LARGE1: variants seen among roughly 807,000 people sequenced by gnomAD.
LARGE1 encodes the protein xylosyl- and glucuronyltransferase LARGE1.
LARGE1 carries 43 observed loss-of-function variants against 87.6 expected under a neutral mutation model. The observed-to-expected ratio is 0.49, with a 90% CI of 0.38 to 0.63. The LOEUF (loss-of-function observed/expected upper bound fraction) is 0.63. Among genes scored for constraint, LARGE1 ranks in the 30% least tolerant of loss-of-function variants. The pLI is 0.00. For missense variants in LARGE1, 802 were observed against 1,000.2 expected (o/e 0.80, Z 2.67); for synonymous variants, 434 against 394.6 (o/e 1.10, Z -1.18).
intron 6 of LARGE1, among the ~76,000 whole-genome samples, chr22:33,550,916 A>T (rs1372554262): frequency 1.3e-5 from 2 of 152,216 alleles, no homozygotes; most frequent in African/African-American, 4.8e-5. Context: ...GTGGAACTGG[A>T]GGTTACTGTC....
At chr22:33,323,970 G>A (rs927443884) in intron 10 of LARGE1, among the ~76,000 whole-genome samples, 8 of 152,100 alleles carry the variant, frequency 5.3e-5, no homozygotes, top group South Asian at 4.1e-4. Flanking sequence ...GGTGGCTCAC[G>A]CCTATAATCC....
rs752857926 is a variant in LARGE1, at chr22:33,580,138, AG to A, written c.616-15120del. 3.9e-5 allele frequency among the ~76,000 whole-genome samples: 6 copies of A among 151,968 alleles called. No homozygotes were observed. In the South Asian group the frequency reaches 6.2e-4, roughly 16 times the overall value. On this transcript the variant is annotated intron_variant, in intron 5 of 14. Coordinates refer to ENST00000397394, the MANE Select transcript of LARGE1 (RefSeq NM_133642.5). The stretch of plus-strand genomic sequence containing the variant: ...GTAATTCCAACACTTTGGGAGGCCA[AG>A]GGGGGCAGATCACCTGAGCTCGGGA...
chr22:33,581,079 G>A (rs778820359), intron 5 of LARGE1, among the ~76,000 whole-genome samples: 1 of 152,186 alleles, frequency 6.6e-6, no homozygotes, highest in Non-Finnish European at 1.5e-5. Flanking sequence ...TATTTCATTG[G>A]ATGCTTGAAA....
intron 7 of LARGE1, among the ~76,000 whole-genome samples, chr22:33,395,245 A>AAC (rs2065693621): frequency 6.6e-6 from 1 of 151,234 alleles, no homozygotes; most frequent in African/African-American, 2.4e-5. Context: ...AAAAAAAAAA[A>AAC]AAGCCAGGAA....
chr22:33,854,170 A>G (rs1050277315), intron 1 of LARGE1, among the ~76,000 whole-genome samples: 5 of 150,462 alleles, frequency 3.3e-5, no homozygotes, highest in African/African-American at 4.9e-5. Context: ...GGCATATCAC[A>G]AACTCAGAGC....
At chr22:33,557,491 G>A (rs2077725968) in intron 6 of LARGE1, among the ~76,000 whole-genome samples, 2 of 152,204 alleles carry the variant, frequency 1.3e-5, no homozygotes, top group African/African-American at 2.4e-5. Flanking sequence ...GCTAGAGGAC[G>A]TTAAAGACCT....
intron 7 of LARGE1, among the ~76,000 whole-genome samples, chr22:33,408,401 A>T (rs2147401695): frequency 6.6e-6 from 1 of 152,330 alleles, no homozygotes; most frequent in East Asian, 1.9e-4. Flanking sequence ...GGAGAGGCAG[A>T]TGTCCTTGCA....
intron 5 of LARGE1, among the ~76,000 whole-genome samples, chr22:33,598,713 TA>T (rs1179685168): frequency 6.6e-6 from 1 of 152,230 alleles, no homozygotes; most frequent in Non-Finnish European, 1.5e-5. Flanking sequence ...TTATCCTTTT[TA>T]AAGGCTGCAT....
chr22:33,394,374 A>G (rs1030081280), intron 7 of LARGE1, among the ~76,000 whole-genome samples: 2 of 151,908 alleles, frequency 1.3e-5, no homozygotes, highest in East Asian at 1.9e-4. Context: ...AATTTTTTGT[A>G]TTTTTAGTAG....
intron 7 of LARGE1, among the ~76,000 whole-genome samples, chr22:33,430,189 T>A (rs904827029): frequency 6.6e-6 from 1 of 152,194 alleles, no homozygotes; most frequent in African/African-American, 2.4e-5. Flanking sequence ...TGCTCCAATC[T>A]TCAGTTTCCT....
intron 4 of LARGE1, among the ~76,000 whole-genome samples, chr22:33,605,840 G>A (rs975418014): frequency 1.3e-5 from 2 of 152,146 alleles, no homozygotes; most frequent in African/African-American, 4.8e-5. Context: ...ATGTGATAAG[G>A]ACTACAAAAG....
intron 1 of LARGE1, among the ~76,000 whole-genome samples, chr22:33,852,871 AAAAAAAAAG>A (rs1328724279): frequency 1.2e-4 from 13 of 110,402 alleles, no homozygotes; most frequent in Admixed American, 2.0e-4. Context: ...AAAAAAAAAA[AAAAAAAAAG>A]AAAGAAAGAA....
intron 13 of LARGE1, among the ~76,000 whole-genome samples, chr22:33,278,553 T>TCTCACA (rs1304691630): frequency 0.061 from 9,135 of 148,602 alleles, 338 homozygotes; most frequent in African/African-American, 0.1. Flanking sequence ...TCTCTCTCTC[T>TCTCACA]CACACACACA....
chr22:33,121,350 A>G, the LARGE1 span, among the ~76,000 whole-genome samples: 3 of 152,204 alleles, frequency 2.0e-5, no homozygotes, highest in Non-Finnish European at 4.4e-5. Flanking sequence ...TTAGTCACAT[A>G]GAGAGTGAAA....
the LARGE1 span, among the ~76,000 whole-genome samples, chr22:33,071,984 T>C: frequency 6.7e-6 from 1 of 149,634 alleles, no homozygotes; most frequent in Admixed American, 6.7e-5. Flanking sequence ...TTTGATCCCC[T>C]AAATGCAGAT....
chr22:33,798,420 G>A (rs2086055975), intron 1 of LARGE1, among the ~76,000 whole-genome samples: 1 of 152,118 alleles, frequency 6.6e-6, no homozygotes, highest in Admixed American at 6.5e-5. Flanking sequence ...AAATAAACAT[G>A]TATATTACAT....
chr22:33,680,510 C>G lies in LARGE1; in HGVS notation c.107-29842G>C, dbSNP rs76171139. On this transcript the variant is annotated intron_variant, in intron 2 of 14. Transcript: ENST00000397394. ...TGATGCACAAATTTGTATTGATCAG[C>G]CTTTATTTTTACAATAACTACCGGC... Among the ~76,000 whole-genome samples the G allele has an allele frequency of 3.4e-4, 51 of 149,102 alleles. No individual in the cohort carries two copies. The East Asian group carries it at 7.3e-3, about 21-fold the overall frequency.
intron 4 of LARGE1, among the ~76,000 whole-genome samples, chr22:33,618,623 T>C (rs935782142): frequency 2.0e-5 from 3 of 152,242 alleles, no homozygotes; most frequent in African/African-American, 7.2e-5. Flanking sequence ...GAAATACTGA[T>C]GCCCAGGCCT....
intron 1 of LARGE1, among the ~76,000 whole-genome samples, chr22:33,849,847 C>T (rs1388132729): frequency 2.6e-5 from 4 of 152,126 alleles, no homozygotes; most frequent in Admixed American, 1.3e-4. Context: ...GCGATCCTCC[C>T]GCCTCTGCCT....
Sources: gnomAD v4.1 joint callset for allele counts (sites outside exome capture counted in the v4.1 genomes callset) on GRCh38, gnomAD v4.1.1 for gene constraint, MANE v1.5 for transcripts, NCBI Gene and HGNC (gene_info 2026-07-23, HGNC 2026-07-21) for gene names.